The following ANO3 variants were observed in gnomAD, a reference collection of about 807,000 sequenced individuals.
The protein encoded by ANO3 is anoctamin-3.
A neutral mutation model predicts 144.8 loss-of-function variants in ANO3; 99 were observed. The observed-to-expected ratio is 0.68, with a 90% CI of 0.58 to 0.81. The LOEUF (loss-of-function observed/expected upper bound fraction) is 0.81. ANO3 is among the 30% of genes least tolerant of loss of function. The pLI is 0.00. For synonymous variants in ANO3, 414 were observed against 392.6 expected (o/e 1.05, Z -0.64); for missense variants, 905 against 1,202.2 (o/e 0.75, Z 3.66).
At chr11:26,588,781 A>G (rs1198373338) in intron 14 of ANO3, among the ~76,000 whole-genome samples, 1 of 152,146 alleles carries the variant, frequency 6.6e-6, no homozygotes, top group Non-Finnish European at 1.5e-5. Flanking sequence ...CTTACTTAAT[A>G]TTGTACCTTT....
chr11:26,353,956 C>A (rs910625890), intron 1 of ANO3, among the ~76,000 whole-genome samples: 1 of 152,186 alleles, frequency 6.6e-6, no homozygotes, highest in South Asian at 2.1e-4. Context: ...AAATTGAAAT[C>A]ATTGCCTGAC....
At chr11:26,563,395 C>CTGTGTG (rs71047867) in intron 14 of ANO3, 7,269 of 539,628 alleles carry the variant, frequency 0.013, 290 homozygotes, top group African/African-American at 0.11. Flanking sequence ...GTTTCTCTCT[C>CTGTGTG]TGTGTGTGTG....
chr11:26,546,122 C>T (rs1205875474), intron 11 of ANO3, among the ~76,000 whole-genome samples: 1 of 151,828 alleles, frequency 6.6e-6, no homozygotes, highest in Non-Finnish European at 1.5e-5. Flanking sequence ...GTAACATGTG[C>T]TAAAAACTTT....
At chr11:26,289,489 A>G (rs1263723162) in intron 1 of ANO3, among the ~76,000 whole-genome samples, 2 of 147,604 alleles carry the variant, frequency 1.4e-5, no homozygotes, top group Non-Finnish European at 3.0e-5. Context: ...CATATACATT[A>G]TTACCTTTGA....
At chr11:26,355,948 C>G (rs1017957784) in intron 1 of ANO3, among the ~76,000 whole-genome samples, 1 of 152,166 alleles carries the variant, frequency 6.6e-6, no homozygotes, top group Admixed American at 6.5e-5. Context: ...TCTTTCCAAT[C>G]TATAAATGGA....
At chr11:26,569,026 A>G (rs1255325436) in intron 14 of ANO3, among the ~76,000 whole-genome samples, 2 of 151,918 alleles carry the variant, frequency 1.3e-5, no homozygotes, top group Non-Finnish European at 2.9e-5. Flanking sequence ...AAATGTCCTT[A>G]GCTGTTCTTC....
intron 1 of ANO3, among the ~76,000 whole-genome samples, chr11:26,290,635 A>T (rs887846015): frequency 1.3e-5 from 2 of 152,218 alleles, no homozygotes; most frequent in Admixed American, 6.5e-5. Flanking sequence ...GTTTCAAAGA[A>T]CATCTTTATT....
chr11:26,506,329 T>TTA (rs1302133323), intron 4 of ANO3, among the ~76,000 whole-genome samples: 1 of 152,216 alleles, frequency 6.6e-6, no homozygotes, highest in Non-Finnish European at 1.5e-5. Flanking sequence ...GCTGGCTTCA[T>TTA]TATTTTCTTT....
chr11:26,268,582 G>C (rs1033951579), intron 1 of ANO3, among the ~76,000 whole-genome samples: 1 of 152,080 alleles, frequency 6.6e-6, no homozygotes, highest in Admixed American at 6.5e-5. Flanking sequence ...AGCTTTGCAC[G>C]TGTGTATAAT....
intron 4 of ANO3, among the ~76,000 whole-genome samples, chr11:26,475,979 C>G (rs1381132138): frequency 6.6e-6 from 1 of 152,060 alleles, no homozygotes; most frequent in African/African-American, 2.4e-5. Flanking sequence ...ACTCCTCCCC[C>G]CAGAGCTTCT....
At chr11:26,404,901 C>T (rs1180652597) in intron 1 of ANO3, among the ~76,000 whole-genome samples, 1 of 149,998 alleles carries the variant, frequency 6.7e-6, no homozygotes, top group Non-Finnish European at 1.5e-5. Context: ...TGCTAATAAC[C>T]AGTGGCTAAT....
chr11:26,583,897 T>C (rs921153314), intron 14 of ANO3, among the ~76,000 whole-genome samples: 1 of 152,180 alleles, frequency 6.6e-6, no homozygotes, highest in African/African-American at 2.4e-5. Flanking sequence ...AGGCTTCAAG[T>C]CTTTAACTGT....
intron 1 of ANO3, among the ~76,000 whole-genome samples, chr11:26,249,104 T>G (rs2133817999): frequency 6.6e-6 from 1 of 152,280 alleles, no homozygotes; most frequent in African/African-American, 2.4e-5. Context: ...AAAGACAAAA[T>G]ACTGACCATA....
intron 1 of ANO3, among the ~76,000 whole-genome samples, chr11:26,217,035 A>T (rs1334669661): frequency 6.6e-6 from 1 of 152,052 alleles, no homozygotes; most frequent in Admixed American, 6.6e-5. Flanking sequence ...TTCTCTTAAC[A>T]GTGCTTTTTC....
upstream of ANO3, among the ~76,000 whole-genome samples, chr11:26,305,009 CT>C (rs574192561): frequency 1.3e-5 from 2 of 151,544 alleles, no homozygotes; most frequent in African/African-American, 4.8e-5. Context: ...TTGAAAACTG[CT>C]TTTTTTTAAA....
intron 17 of ANO3, among the ~76,000 whole-genome samples, chr11:26,616,397 T>G (rs1852262037): frequency 6.6e-6 from 1 of 151,790 alleles, no homozygotes; most frequent in South Asian, 2.1e-4. Context: ...CTCCTCCCAT[T>G]AAGTATTATT....
At chr11:26,215,199 G>T (rs1329362270) in intron 1 of ANO3, among the ~76,000 whole-genome samples, 1 of 151,880 alleles carries the variant, frequency 6.6e-6, no homozygotes, top group Non-Finnish European at 1.5e-5. Flanking sequence ...CACATTTAAG[G>T]AATAGAGAGT....
At chr11:26,482,710 G>A (rs189299174) in intron 4 of ANO3, among the ~76,000 whole-genome samples, 1 of 152,190 alleles carries the variant, frequency 6.6e-6, no homozygotes, top group Admixed American at 6.5e-5. Flanking sequence ...TCCATGACCT[G>A]AATAGTATAC....
At chr11:26,505,091 A>G (rs2134131528) in intron 4 of ANO3, among the ~76,000 whole-genome samples, 1 of 152,064 alleles carries the variant, frequency 6.6e-6, no homozygotes, top group African/African-American at 2.4e-5. Context: ...CAATAATCCA[A>G]TAGAGATTAC....
Sources: gnomAD v4.1 joint callset for allele counts (sites outside exome capture counted in the v4.1 genomes callset) on GRCh38, gnomAD v4.1.1 for gene constraint, MANE v1.5 for transcripts, NCBI Gene and HGNC (gene_info 2026-07-23, HGNC 2026-07-21) for gene names.